Variants in SASH1 observed in about 807,000 individuals in gnomAD.
SASH1 encodes the protein SAM and SH3 domain-containing protein 1.
SASH1 carries 44 observed loss-of-function variants against 125.2 expected under a neutral mutation model. That is an observed-to-expected ratio of 0.35 (90% CI 0.28 to 0.45). The LOEUF (loss-of-function observed/expected upper bound fraction) is 0.45. Ranked by LOEUF, SASH1 falls within the 20% of genes least tolerant of loss-of-function variation. The pLI, the probability that SASH1 is intolerant of heterozygous loss-of-function variation, is 1.00. For missense variants in SASH1, 1,426 were observed against 1,614.5 expected (o/e 0.88, Z 2.00); for synonymous variants, 639 against 649.1 (o/e 0.98, Z 0.24).
chr6:148,329,660 G>A (rs758789097), intron 1 of SASH1, among the ~76,000 whole-genome samples: 1 of 152,126 alleles, frequency 6.6e-6, no homozygotes, highest in Non-Finnish European at 1.5e-5. Context: ...CTGTGCATCC[G>A]TGTGTGTCAC....
intron 1 of SASH1, among the ~76,000 whole-genome samples, chr6:148,279,690 T>A (rs1326671054): frequency 6.6e-6 from 1 of 152,100 alleles, no homozygotes; most frequent in Non-Finnish European, 1.5e-5. Context: ...TATCCATCCA[T>A]CATCATTTTA....
intron 8 of SASH1, among the ~76,000 whole-genome samples, chr6:148,504,812 G>A (rs6570858): frequency 0.26 from 38,958 of 152,032 alleles, 5,333 homozygotes; most frequent in Middle Eastern, 0.36. Context: ...CTCACAAAGG[G>A]CCCAACATCG....
intron 4 of SASH1, among the ~76,000 whole-genome samples, chr6:148,445,404 T>G (rs918051895): frequency 2.6e-5 from 4 of 152,212 alleles, no homozygotes; most frequent in Admixed American, 6.5e-5. Flanking sequence ...TGAAATTAAC[T>G]AATTTTCTAT....
chr6:148,446,781 A>C (rs745863732), intron 4 of SASH1, among the ~76,000 whole-genome samples: 17 of 152,234 alleles, frequency 1.1e-4, no homozygotes, highest in Non-Finnish European at 2.2e-4. Context: ...CTACGAGATG[A>C]CAAATGGTAT....
intron 2 of SASH1, among the ~76,000 whole-genome samples, chr6:148,392,286 CAAAA>C (rs61537766): frequency 4.3e-5 from 5 of 116,122 alleles, no homozygotes; most frequent in Non-Finnish European, 7.1e-5. Flanking sequence ...AACTCTGTCT[CAAAA>C]AAAAAAAAAA....
chr6:148,278,981 G>A (rs1779261865), intron 1 of SASH1, among the ~76,000 whole-genome samples: 1 of 151,694 alleles, frequency 6.6e-6, no homozygotes, highest in Non-Finnish European at 1.5e-5. Context: ...ACTCTTCATT[G>A]AGCAAATGAA....
intron 1 of SASH1, among the ~76,000 whole-genome samples, chr6:148,274,755 C>T (rs1360803449): frequency 6.6e-6 from 1 of 152,140 alleles, no homozygotes; most frequent in Non-Finnish European, 1.5e-5. Flanking sequence ...AATTTATCAA[C>T]CTCAGAAGTT....
chr6:148,382,763 G>A (rs563470904), intron 1 of SASH1, among the ~76,000 whole-genome samples: 56 of 152,288 alleles, frequency 3.7e-4, no homozygotes, highest in African/African-American at 1.3e-3. Context: ...GCATCACCAT[G>A]ACCGTATATG....
chr6:148,254,207 C>CA, the SASH1 span, among the ~76,000 whole-genome samples: 397 of 138,252 alleles, frequency 2.9e-3, 2 homozygotes, highest in African/African-American at 9.5e-3. Flanking sequence ...AACTCTGTCT[C>CA]AAAAAAAAAA....
intron 19 of SASH1, among the ~76,000 whole-genome samples, 175 bp downstream of exon 19, chr6:148,546,321 A>G (rs1782565716): frequency 1.3e-5 from 2 of 152,010 alleles, no homozygotes; most frequent in South Asian, 4.2e-4. Context: ...ACTTTCAGAA[A>G]GAAAAAAAAA....
chr6:148,508,581 T>C, intron 8 of SASH1: 1 of 1,135,244 alleles, frequency 8.8e-7, no homozygotes, highest in East Asian at 6.6e-5. Context: ...AGCTGATGAC[T>C]TATGCCTTTC....
At chr6:148,410,006 T>G (rs901362214) in intron 2 of SASH1, among the ~76,000 whole-genome samples, 3 of 151,754 alleles carry the variant, frequency 2.0e-5, no homozygotes, top group Non-Finnish European at 4.4e-5. Context: ...GCTCTTATCT[T>G]GACACAAATT....
At chr6:148,429,953 G>T (rs1289193579) in intron 2 of SASH1, among the ~76,000 whole-genome samples, 1 of 152,166 alleles carries the variant, frequency 6.6e-6, no homozygotes, top group African/African-American at 2.4e-5. Context: ...GCCATTTACA[G>T]TCTAGTTGAG....
chr6:148,391,925 A>G (rs1050647469), intron 2 of SASH1, among the ~76,000 whole-genome samples: 13 of 152,216 alleles, frequency 8.5e-5, no homozygotes, highest in Non-Finnish European at 1.9e-4. Context: ...CTTTTGAGCC[A>G]TCTCATATAG....
intron 8 of SASH1, among the ~76,000 whole-genome samples, chr6:148,497,120 G>C (rs976424723): frequency 6.6e-6 from 1 of 152,114 alleles, no homozygotes; most frequent in Non-Finnish European, 1.5e-5. Flanking sequence ...CTTACTAAAA[G>C]AGTAAAAGTA....
intron 2 of SASH1, among the ~76,000 whole-genome samples, chr6:148,402,945 A>G (rs916487199): frequency 2.0e-5 from 3 of 152,100 alleles, no homozygotes; most frequent in African/African-American, 7.2e-5. Context: ...TAGAGTTGAC[A>G]TAGTTCCTGG....
chr6:148,316,528 T>A (rs1372088397), intron 1 of SASH1, among the ~76,000 whole-genome samples: 1 of 152,260 alleles, frequency 6.6e-6, no homozygotes, highest in Non-Finnish European at 1.5e-5. Flanking sequence ...CAGGGCATCA[T>A]GCCCAGATTA....
intron 6 of SASH1, 117 bp from the exon 7 acceptor site, chr6:148,473,993 A>G: frequency 1.5e-6 from 1 of 687,004 alleles, no homozygotes; most frequent in Non-Finnish European, 2.5e-6. Context: ...AACGTTCAAC[A>G]TACATAGTGT....
chr6:148,421,183 A>AAG (rs1292607310), intron 2 of SASH1, among the ~76,000 whole-genome samples: 3 of 146,862 alleles, frequency 2.0e-5, no homozygotes, highest in African/African-American at 5.0e-5. Context: ...GAAAGAAAGA[A>AAG]AGAAAGAAAG....
Sources: gnomAD v4.1 joint callset for allele counts (sites outside exome capture counted in the v4.1 genomes callset) on GRCh38, gnomAD v4.1.1 for gene constraint, MANE v1.5 for transcripts, NCBI Gene and HGNC (gene_info 2026-07-23, HGNC 2026-07-21) for gene names.